The following ADAT1 variants were observed in gnomAD, a reference collection of about 807,000 sequenced individuals.
ADAT1 encodes the protein tRNA-specific adenosine deaminase 1.
ADAT1 carries 58 observed loss-of-function variants against 58.6 expected under a neutral mutation model. The ratio of observed to expected loss-of-function variants is 0.99; its 90% CI spans 0.80 to 1.23. ADAT1 has a LOEUF of 1.23. Ranked by LOEUF, ADAT1 falls within the 50% of genes most tolerant of loss-of-function variation. The pLI, the probability that ADAT1 is intolerant of heterozygous loss-of-function variation, is 0.00. For missense variants in ADAT1, 741 were observed against 608.6 expected, an observed-to-expected ratio of 1.22 and a Z score of -2.29; for synonymous variants, 254 against 220.8, an observed-to-expected ratio of 1.15 and a Z score of -1.33.
At chr16:75,604,626 G>A in intron 8 of ADAT1, among the ~76,000 whole-genome samples, 1 of 151,006 alleles carries the variant, frequency 6.6e-6, no homozygotes, top group Non-Finnish European at 1.5e-5. Context: ...CTCGGGAAGA[G>A]TACTTAAATT....
intron 8 of ADAT1, among the ~76,000 whole-genome samples, chr16:75,606,829 T>C (rs916772162): frequency 1.3e-5 from 2 of 152,328 alleles, no homozygotes; most frequent in South Asian, 2.1e-4. Context: ...ATAACTAACA[T>C]ACATTTAAGG....
Position 75,597,773 on chromosome 16 carries a change from C to G in ADAT1, c.*2443G>C, listed in dbSNP as rs1014253765. ...AGGAGTGTGCAACCTAGATCCCTTGCATGCACAGTTCACAATAGGATTCAC... is the reference window on the plus strand; with the variant it reads ...AGGAGTGTGCAACCTAGATCCCTTGGATGCACAGTTCACAATAGGATTCAC... On this transcript the variant is annotated 3_prime_UTR_variant, in exon 10 of 10. Coordinates refer to ENST00000564657, the MANE Select transcript of ADAT1 (RefSeq NM_001324445.2). 6.6e-6 allele frequency among the ~76,000 whole-genome samples: 1 copy of G among 152,166 alleles called. No individual in the cohort carries two copies. Among genetic ancestry groups the G allele is most frequent in the Non-Finnish European group, 1.5e-5 (1 of 68,024 alleles).
chr16:75,604,411 T>A (rs566706628), intron 8 of ADAT1, among the ~76,000 whole-genome samples: 76 of 113,502 alleles, frequency 6.7e-4, no homozygotes, highest in Non-Finnish European at 1.1e-3. Context: ...CCAGCCTGGG[T>A]GACAGAGTGA....
At chr16:75,608,158 T>C in intron 8 of ADAT1, 66 bp downstream of exon 8, 2 of 1,379,850 alleles carry the variant, frequency 1.4e-6, no homozygotes, top group Non-Finnish European at 2.1e-6. Flanking sequence ...AAAAATGTTC[T>C]AGAATTAGAT....
chr16:75,618,138 G>A (rs948802234), intron 4 of ADAT1, among the ~76,000 whole-genome samples: 51 of 142,124 alleles, frequency 3.6e-4, no homozygotes, highest in African/African-American at 1.3e-3. Context: ...AGAACCACTA[G>A]TCTAGACCAC....
Position 75,599,893 on chromosome 16 carries a change from T to C in ADAT1, c.*323A>G, listed in dbSNP as rs888334951. On this transcript the variant is annotated 3_prime_UTR_variant, in exon 10 of 10. Transcript: ENST00000564657. ...GCTCAATAAATATTTGCTGAATCAA[T>C]GTAGGAACCCATAAAACAGAGCTGC... 3.8e-6 allele frequency: 4 copies of C among 1,052,476 alleles called. No homozygotes were observed. Among genetic ancestry groups the C allele is most frequent in the Admixed American group, 5.2e-5 (1 of 19,130 alleles). 65.2% of individuals were successfully genotyped at this position (1,052,476 alleles called of 1,614,324 possible).
intron 8 of ADAT1, among the ~76,000 whole-genome samples, chr16:75,606,515 A>G (rs1043502061): frequency 7.9e-5 from 12 of 152,190 alleles, no homozygotes; most frequent in African/African-American, 2.7e-4. Context: ...GTGAAGCTGA[A>G]TACTCTGGTA....
intron 5 of ADAT1, among the ~76,000 whole-genome samples, chr16:75,616,329 C>A (rs895040561): frequency 8.5e-5 from 13 of 152,178 alleles, no homozygotes; most frequent in African/African-American, 3.1e-4. Context: ...TAAGCTGTAT[C>A]TATATTTTCA....
chr16:75,622,848 T>C lies in ADAT1; in HGVS notation c.-467A>G, dbSNP rs1282591222. 1.3e-5 allele frequency: 2 copies of C among 152,182 alleles called. No individual in the cohort carries two copies. The highest frequency in any genetic ancestry group is 2.9e-5 in the Non-Finnish European group (2 of 68,028). The allele number at this position is 152,182 out of a possible 1,614,324, so 9.4% of individuals were successfully genotyped here. Reference sequence around the variant, plus strand: ...AGGGGAGAAAAGGCTTCAGCGATGCTTGGAGGAAGGGACTCTGGTTTACGC... The same window carrying C: ...AGGGGAGAAAAGGCTTCAGCGATGCCTGGAGGAAGGGACTCTGGTTTACGC... On this transcript the variant is annotated 5_prime_UTR_variant, in exon 1 of 10. Transcript: ENST00000564657.
chr16:75,619,742 C>T (rs2081870664), intron 3 of ADAT1: 1 of 398,800 alleles, frequency 2.5e-6, no homozygotes, highest in South Asian at 1.7e-5. Context: ...GAAACCCCGT[C>T]TCTAAAAAAA....
chr16:75,602,783 G>T (rs948650922), intron 9 of ADAT1, among the ~76,000 whole-genome samples: 1 of 152,158 alleles, frequency 6.6e-6, no homozygotes, highest in African/African-American at 2.4e-5. Context: ...TGCTCTTAGA[G>T]CACTCCCATT....
At chr16:75,610,533 G>A (rs1057427452) in intron 6 of ADAT1, among the ~76,000 whole-genome samples, 3 of 152,178 alleles carry the variant, frequency 2.0e-5, no homozygotes, top group African/African-American at 7.2e-5. Flanking sequence ...CTGGACTCAA[G>A]CAATCTGCGT....
intron 6 of ADAT1, among the ~76,000 whole-genome samples, chr16:75,609,492 T>C (rs1025029906): frequency 6.6e-6 from 1 of 151,874 alleles, no homozygotes; most frequent in African/African-American, 2.4e-5. Context: ...GTGCCTAGGG[T>C]TGGCTTTTTT....
Position 75,622,994 on chromosome 16 carries a change from T to C in ADAT1, c.-613A>G, listed in dbSNP as rs2081977875. 1 of 152,232 alleles carries C rather than the reference T, an allele frequency of 6.6e-6. No individual in the cohort carries two copies. The highest frequency in any genetic ancestry group is 1.5e-5 in the Non-Finnish European group (1 of 68,062). 9.4% of individuals were successfully genotyped at this position (152,232 alleles called of 1,614,324 possible). On this transcript the variant is annotated 5_prime_UTR_variant, in exon 1 of 10. The change abolishes an upstream ATG in the 5' untranslated region. Coordinates refer to ENST00000564657, the MANE Select transcript of ADAT1 (RefSeq NM_001324445.2). ...GGTGCCAGGCAAGGCACTGAAGCCATGCAGTGAGAACAGCGTGAGCGCCTG... is the reference window on the plus strand; with the variant it reads ...GGTGCCAGGCAAGGCACTGAAGCCACGCAGTGAGAACAGCGTGAGCGCCTG...
intron 6 of ADAT1, among the ~76,000 whole-genome samples, chr16:75,609,841 C>T (rs1262560355): frequency 6.6e-6 from 1 of 151,850 alleles, no homozygotes; most frequent in East Asian, 1.9e-4. Flanking sequence ...GTAGCTGAGA[C>T]TACAGGCATG....
intron 6 of ADAT1, 63 bp downstream of exon 6, chr16:75,612,179 AG>A: frequency 6.4e-7 from 1 of 1,552,662 alleles, no homozygotes; most frequent in South Asian, 1.2e-5. Context: ...TAATGCTCTT[AG>A]GCCTTACCCT....
intron 8 of ADAT1, among the ~76,000 whole-genome samples, chr16:75,607,832 A>G (rs1201182656): frequency 6.6e-6 from 1 of 152,194 alleles, no homozygotes; most frequent in Non-Finnish European, 1.5e-5. Context: ...GAGTGAAACA[A>G]CCCAAACGTC....
At chr16:75,620,562 C>T (rs2081899142) in intron 2 of ADAT1, 69 bp downstream of exon 2, 1 of 1,552,528 alleles carries the variant, frequency 6.4e-7, no homozygotes, top group African/African-American at 1.4e-5. Flanking sequence ...ACTGTACCCT[C>T]ACAGTACAGC....
intron 3 of ADAT1, among the ~76,000 whole-genome samples, chr16:75,620,018 T>A (rs1248356658): frequency 6.6e-6 from 1 of 151,946 alleles, no homozygotes; most frequent in Non-Finnish European, 1.5e-5. Context: ...ACCCAGGGAC[T>A]CTGTGGTTTG....
Sources: gnomAD v4.1 joint callset for allele counts (sites outside exome capture counted in the v4.1 genomes callset) on GRCh38, gnomAD v4.1.1 for gene constraint, MANE v1.5 for transcripts, NCBI Gene and HGNC (gene_info 2026-07-23, HGNC 2026-07-21) for gene names.